The following ASTN2 variants were observed in gnomAD, a reference collection of about 807,000 sequenced individuals.
The protein encoded by ASTN2 is astrotactin-2.
A neutral mutation model predicts 139.8 loss-of-function variants in ASTN2; 54 were observed. That is an observed-to-expected ratio of 0.39 (90% CI 0.31 to 0.48). ASTN2 has a LOEUF of 0.48. Among genes scored for constraint, ASTN2 ranks in the 20% least tolerant of loss-of-function variants. The pLI, the probability that ASTN2 is intolerant of heterozygous loss-of-function variation, is 0.95. For missense variants in ASTN2, 1,565 were observed against 1,725.1 expected (o/e 0.91, Z 1.64); for synonymous variants, 756 against 719.5 (o/e 1.05, Z -0.81).
At chr9:116,842,720 G>C (rs1196141339) in intron 11 of ASTN2, among the ~76,000 whole-genome samples, 1 of 146,618 alleles carries the variant, frequency 6.8e-6, no homozygotes, top group Non-Finnish European at 1.5e-5. Flanking sequence ...TGCTCACAAG[G>C]AGGGAAGCGG....
At chr9:116,681,668 A>C (rs1859875109) in intron 16 of ASTN2, among the ~76,000 whole-genome samples, 1 of 152,154 alleles carries the variant, frequency 6.6e-6, no homozygotes, top group African/African-American at 2.4e-5. Context: ...TACTGGTACC[A>C]AAACAGAGAT....
chr9:116,925,566 C>T (rs1012061939), intron 10 of ASTN2, among the ~76,000 whole-genome samples: 1 of 152,150 alleles, frequency 6.6e-6, no homozygotes, highest in African/African-American at 2.4e-5. Context: ...CTCTGCTACA[C>T]AGATACGATA....
At chr9:116,620,778 C>A (rs761712941) in intron 17 of ASTN2, among the ~76,000 whole-genome samples, 22 of 152,178 alleles carry the variant, frequency 1.4e-4, no homozygotes, top group Non-Finnish European at 2.6e-4. Flanking sequence ...TCCCATTTTA[C>A]AAGTTGGAAA....
intron 5 of ASTN2, among the ~76,000 whole-genome samples, chr9:117,089,660 T>G (rs550489440): frequency 2.0e-5 from 3 of 152,094 alleles, no homozygotes; most frequent in Non-Finnish European, 4.4e-5. Context: ...CTATTTGTAG[T>G]CTTTTATCCC....
At chr9:117,107,509 T>G (rs539094629) in intron 4 of ASTN2, among the ~76,000 whole-genome samples, 2 of 152,346 alleles carry the variant, frequency 1.3e-5, no homozygotes, top group South Asian at 4.1e-4. Flanking sequence ...CTTAGTAATT[T>G]TGATATGCAT....
chr9:117,194,169 C>A (rs1193662238), intron 3 of ASTN2, among the ~76,000 whole-genome samples: 1 of 152,076 alleles, frequency 6.6e-6, no homozygotes, highest in East Asian at 1.9e-4. Context: ...GACCTAAAAC[C>A]CTCATGTGGG....
intron 19 of ASTN2, among the ~76,000 whole-genome samples, chr9:116,589,526 C>T (rs1239304822): frequency 6.6e-6 from 1 of 152,114 alleles, no homozygotes; most frequent in Non-Finnish European, 1.5e-5. Context: ...TTTTCTGTGC[C>T]TGTAATTCCT....
chr9:117,100,809 G>T (rs1327545313), intron 4 of ASTN2, among the ~76,000 whole-genome samples: 1 of 152,194 alleles, frequency 6.6e-6, no homozygotes, highest in African/African-American at 2.4e-5. Flanking sequence ...AGTATCTATG[G>T]TCCCTACTCT....
intron 2 of ASTN2, among the ~76,000 whole-genome samples, chr9:117,240,795 C>A (rs1466000326): frequency 1.3e-5 from 2 of 152,140 alleles, no homozygotes; most frequent in East Asian, 3.9e-4. Flanking sequence ...AAGAATTTGC[C>A]CAGACTCACA....
intron 16 of ASTN2, among the ~76,000 whole-genome samples, chr9:116,661,142 A>C (rs534429827): frequency 6.6e-6 from 1 of 152,188 alleles, no homozygotes; most frequent in South Asian, 2.1e-4. Context: ...CAGAATCAGG[A>C]ATCAGTCGGC....
chr9:116,519,716 A>G (rs909511041), intron 19 of ASTN2, among the ~76,000 whole-genome samples: 1 of 152,132 alleles, frequency 6.6e-6, no homozygotes, highest in Non-Finnish European at 1.5e-5. Flanking sequence ...TGAAACAAAA[A>G]TCTGGTTCTT....
At chr9:116,879,718 C>T (rs1833403856) in intron 10 of ASTN2, among the ~76,000 whole-genome samples, 4 of 152,172 alleles carry the variant, frequency 2.6e-5, no homozygotes, top group Admixed American at 2.6e-4. Flanking sequence ...GTGAAACACT[C>T]TGCAAAGCAC....
At chr9:116,904,657 A>T (rs1052655226) in intron 10 of ASTN2, among the ~76,000 whole-genome samples, 2 of 152,230 alleles carry the variant, frequency 1.3e-5, no homozygotes, top group Non-Finnish European at 2.9e-5. Context: ...GGCACTTGGC[A>T]TAGTTGGAGT....
At chr9:117,180,886 C>T in intron 3 of ASTN2, 1 of 1,586,702 alleles carries the variant, frequency 6.3e-7, no homozygotes, top group East Asian at 2.2e-5. Flanking sequence ...GAACTTGGCC[C>T]TGCGCAGGGC....
At chr9:117,277,434 T>G (rs1350574102) in intron 2 of ASTN2, 1 of 152,212 alleles carries the variant, frequency 6.6e-6, no homozygotes. Context: ...GCATATTTAA[T>G]GTATATAACT....
intron 19 of ASTN2, among the ~76,000 whole-genome samples, chr9:116,526,579 G>A (rs1360653109): frequency 6.7e-6 from 1 of 150,116 alleles, no homozygotes; most frequent in African/African-American, 2.5e-5. Context: ...CTGAGATCAT[G>A]CCACTGCACT....
intron 6 of ASTN2, among the ~76,000 whole-genome samples, chr9:117,009,483 T>C (rs148458252): frequency 0.01 from 1,532 of 152,196 alleles, 9 homozygotes; most frequent in Non-Finnish European, 0.016. Context: ...AGTGTATGCA[T>C]GTATAGCAAT....
At chr9:116,494,996 A>G (rs1011956951) in intron 19 of ASTN2, among the ~76,000 whole-genome samples, 1 of 152,118 alleles carries the variant, frequency 6.6e-6, no homozygotes, top group Non-Finnish European at 1.5e-5. Context: ...ATCTGCTCCT[A>G]TTTACTCGAC....
chr9:117,411,668 G>A (rs1831165005), intron 1 of ASTN2, among the ~76,000 whole-genome samples: 1 of 152,126 alleles, frequency 6.6e-6, no homozygotes, highest in African/African-American at 2.4e-5. Flanking sequence ...TACCAGGGAT[G>A]GTTTACCACC....
Sources: gnomAD v4.1 joint callset for allele counts (sites outside exome capture counted in the v4.1 genomes callset) on GRCh38, gnomAD v4.1.1 for gene constraint, MANE v1.5 for transcripts, NCBI Gene and HGNC (gene_info 2026-07-23, HGNC 2026-07-21) for gene names.